The following KIF2A variants were observed in gnomAD, a reference collection of about 807,000 sequenced individuals.
KIF2A encodes kinesin family member 2A, also known as kinesin-like protein KIF2A.
Under a neutral mutation model 100.2 loss-of-function variants are expected in KIF2A, and 22 were observed. That is an observed-to-expected ratio of 0.22 (90% CI 0.16 to 0.31). KIF2A has a LOEUF of 0.31. Among genes scored for constraint, KIF2A ranks in the 10% least tolerant of loss-of-function variants. KIF2A has a pLI of 1.00. For missense variants in KIF2A, 495 were observed against 898.7 expected, an observed-to-expected ratio of 0.55 and a Z score of 5.74; for synonymous variants, 268 against 285.9, an observed-to-expected ratio of 0.94 and a Z score of 0.63.
intron 1 of KIF2A, among the ~76,000 whole-genome samples, chr5:62,328,583 C>T (rs550001393): frequency 3.9e-5 from 6 of 151,992 alleles, no homozygotes; most frequent in African/African-American, 1.4e-4. Flanking sequence ...CCACTGCCTC[C>T]GGGGTTCAAG....
chr5:62,348,275 T>C, intron 3 of KIF2A, 108 bp downstream of exon 3: 1 of 1,167,870 alleles, frequency 8.6e-7, no homozygotes, highest in Admixed American at 2.5e-5. Flanking sequence ...TAAGAATTGA[T>C]TAATTTGCTT....
intron 14 of KIF2A, among the ~76,000 whole-genome samples, chr5:62,364,378 C>T (rs371384280): frequency 1.3e-5 from 2 of 152,228 alleles, no homozygotes; most frequent in South Asian, 4.1e-4. Flanking sequence ...GAACTTCTGA[C>T]CTCGTGATCT....
At chr5:62,350,003 AGATCATGATACATATGAG>A in intron 3 of KIF2A, 45 bp from the exon 4 acceptor site, 1 of 1,045,094 alleles carries the variant, frequency 9.6e-7, no homozygotes, top group African/African-American at 1.6e-5. Context: ...AAAGAAGCTC[AGATCATGATACATATGAG>A]GGAGTAAAGA....
intron 7 of KIF2A, among the ~76,000 whole-genome samples, chr5:62,356,484 G>A (rs1197779259): frequency 6.6e-6 from 1 of 152,124 alleles, no homozygotes; most frequent in Non-Finnish European, 1.5e-5. Context: ...GCAGAAGCAG[G>A]TAGTAGCTAA....
Position 62,390,904 on chromosome 5 carries a change from G to A in KIF2A, c.*5335G>A, listed in dbSNP as rs778930323. 5.6e-6 allele frequency: 9 copies of A among 1,612,060 alleles called. No homozygotes were observed. Among genetic ancestry groups the A allele is most frequent in the East Asian group, 2.2e-5 (1 of 44,870 alleles). On this transcript the variant is annotated 3_prime_UTR_variant, in exon 21 of 21. Transcript: ENST00000407818. The stretch of plus-strand genomic sequence containing the variant: ...ATGAAGTCATCTATGTCCATGGAAC[G>A]GGCCCGTTTGTCACTAAAACCTGTG...
intron 1 of KIF2A, among the ~76,000 whole-genome samples, chr5:62,319,067 C>T (rs73760586): frequency 0.021 from 3,264 of 152,008 alleles, 126 homozygotes; most frequent in African/African-American, 0.074. Flanking sequence ...CTGTACCTAC[C>T]GCTATAACTT....
chr5:62,335,837 T>A (rs1746916844), intron 1 of KIF2A, among the ~76,000 whole-genome samples: 1 of 152,222 alleles, frequency 6.6e-6, no homozygotes, highest in Non-Finnish European at 1.5e-5. Flanking sequence ...ACAACTAGAT[T>A]GAAACAAAAT....
chr5:62,321,829 G>A (rs1428957535), intron 1 of KIF2A, among the ~76,000 whole-genome samples: 1 of 152,124 alleles, frequency 6.6e-6, no homozygotes, highest in East Asian at 1.9e-4. Flanking sequence ...AAAATTCTGG[G>A]ATTACAGACT....
intron 1 of KIF2A, 44 bp from the exon 2 acceptor site, chr5:62,347,086 A>T: frequency 9.2e-7 from 1 of 1,082,280 alleles, no homozygotes; most frequent in Non-Finnish European, 1.4e-6. Flanking sequence ...TAGGAATGCC[A>T]TAATTTGTGG....
At chr5:62,317,827 T>G (rs1183830016) in intron 1 of KIF2A, among the ~76,000 whole-genome samples, 2 of 152,236 alleles carry the variant, frequency 1.3e-5, no homozygotes, top group Non-Finnish European at 2.9e-5. Context: ...AATAAGTAGC[T>G]ATTGCACTCA....
chr5:62,352,839 T>C lies in KIF2A; in HGVS notation c.457+129T>C, dbSNP rs1747921472. ...TTGATTGCAGATTTCATTTTACCAC[T>C]GTGGAAAATTTAACTTCTTCTTATT... On this transcript the variant is annotated intron_variant, in intron 5 of 20. Transcript: ENST00000407818. The C allele has an allele frequency of 3.2e-5, 22 of 695,092 alleles. No individual in the cohort carries two copies. In the East Asian group the frequency reaches 6.9e-4, roughly 22 times the overall value. 43.1% of individuals were successfully genotyped at this position (695,092 alleles called of 1,614,324 possible).
chr5:62,332,773 C>T (rs2111850926), intron 1 of KIF2A, among the ~76,000 whole-genome samples: 1 of 152,220 alleles, frequency 6.6e-6, no homozygotes, highest in South Asian at 2.1e-4. Context: ...AGTAAAATAT[C>T]ATCATGTGTG....
At chr5:62,334,744 C>T (rs1746846818) in intron 1 of KIF2A, among the ~76,000 whole-genome samples, 1 of 152,158 alleles carries the variant, frequency 6.6e-6, no homozygotes, top group African/African-American at 2.4e-5. Flanking sequence ...TGTCTTCCAT[C>T]GTTCAGGGTG....
rs544028225 is a variant in KIF2A at position 62,347,920 on chromosome 5, A to G, written c.160-128A>G. The G allele has an allele frequency of 1.7e-5, 17 of 984,608 alleles. No homozygotes were observed. In the East Asian group the frequency reaches 4.5e-4, roughly 26 times the overall value. The allele number at this position is 984,608 out of a possible 1,614,324, so 61.0% of individuals were successfully genotyped here. Reference sequence around the variant, plus strand: ...ATTACAGGCATGAGCCACTGCACCCAGCCGAGTTACTGTATTCATTAGGCT... The same window carrying G: ...ATTACAGGCATGAGCCACTGCACCCGGCCGAGTTACTGTATTCATTAGGCT... On this transcript the variant is annotated intron_variant, in intron 2 of 20. Transcript: ENST00000407818.
At chr5:62,353,115 G>T in intron 5 of KIF2A, 160 bp from the exon 6 acceptor site, 1 of 495,060 alleles carries the variant, frequency 2.0e-6, no homozygotes, top group South Asian at 3.7e-5. Flanking sequence ...TTTAGTTTTG[G>T]TAAAGCAGCT....
Position 62,361,323 on chromosome 5 carries a change from A to C in KIF2A, c.954A>C (p.Gly318=), listed in dbSNP as rs148374957. 5.6e-6 allele frequency: 9 copies of C among 1,601,892 alleles called. No homozygotes were observed. In the African/African-American group the frequency reaches 9.4e-5, roughly 17 times the overall value. ...TCFAYGQTGS[G]KTHTMGGDFS... ...TTGCTTATGGGCAGACTGGAAGTGG[A>C]AAAACTCATGTAAGTAATTTATTAA... Residue 318 remains glycine (G), a synonymous_variant, in exon 10 of 21, where the codon GGA becomes GGC. Coordinates refer to ENST00000407818, the MANE Select transcript of KIF2A (RefSeq NM_001098511.3).
chr5:62,352,069 C>T (rs1344539941), intron 4 of KIF2A, among the ~76,000 whole-genome samples: 1 of 150,744 alleles, frequency 6.6e-6, no homozygotes, highest in Non-Finnish European at 1.5e-5. Context: ...CAGGAGATCA[C>T]TTGAACCTGG....
intron 1 of KIF2A, among the ~76,000 whole-genome samples, chr5:62,333,495 A>G (rs537819985): frequency 6.6e-6 from 1 of 152,278 alleles, no homozygotes; most frequent in South Asian, 2.1e-4. Context: ...CTTGGCTTTC[A>G]ATCTGTGCAA....
In KIF2A at chr5:62,390,850, A is replaced by T. The variant is rs1480188775; in HGVS notation, c.*5281A>T. ...GGTGTCACAGTAAAGAAATGTAAAC[A>T]CTTAGGAAAACAAAAATGTAATTAC... On this transcript the variant is annotated 3_prime_UTR_variant, in exon 21 of 21. Coordinates refer to ENST00000407818, the MANE Select transcript of KIF2A (RefSeq NM_001098511.3). 6.3e-7 allele frequency: 1 copy of T among 1,584,988 alleles called. No individual in the cohort carries two copies. The highest frequency in any genetic ancestry group is 8.7e-7 in the Non-Finnish European group (1 of 1,155,312).
Sources: gnomAD v4.1 joint callset for allele counts (sites outside exome capture counted in the v4.1 genomes callset) on GRCh38, gnomAD v4.1.1 for gene constraint, MANE v1.5 for transcripts, NCBI Gene and HGNC (gene_info 2026-07-23, HGNC 2026-07-21) for gene names.